DOCK1: variants seen among roughly 807,000 people sequenced by gnomAD.
DOCK1 encodes dedicator of cytokinesis 1, also known as dedicator of cytokinesis protein 1.
In DOCK1, 138 loss-of-function variants were observed where a neutral mutation model predicts 262.7. The ratio of observed to expected loss-of-function variants is 0.53; its 90% CI spans 0.46 to 0.61. The LOEUF (loss-of-function observed/expected upper bound fraction) is 0.61. Among genes scored for constraint, DOCK1 ranks in the 20% least tolerant of loss-of-function variants. The pLI is 0.00. For synonymous variants in DOCK1, 866 were observed against 867.4 expected (o/e 1.00, Z 0.03); for missense variants, 1,908 against 2,370.7 (o/e 0.80, Z 4.05).
At chr10:127,137,541 G>A in intron 27 of DOCK1, 1 of 295,472 alleles carries the variant, frequency 3.4e-6, no homozygotes, top group Non-Finnish European at 6.3e-6. Context: ...TGTATTACTT[G>A]CAGATCGGGG....
At chr10:127,403,967 C>G (rs555323111) in intron 39 of DOCK1, among the ~76,000 whole-genome samples, 1 of 152,136 alleles carries the variant, frequency 6.6e-6, no homozygotes, top group Non-Finnish European at 1.5e-5. Flanking sequence ...TCTCTTTGAA[C>G]GTATCCCACT....
chr10:127,443,981 C>G (rs2070361547), intron 49 of DOCK1, 145 bp from the exon 50 acceptor site: 2 of 1,118,106 alleles, frequency 1.8e-6, no homozygotes, highest in Non-Finnish European at 2.5e-6. Flanking sequence ...CACACCTTAG[C>G]TTGATCATTT....
intron 29 of DOCK1, among the ~76,000 whole-genome samples, chr10:127,315,088 TGGGCTAAGCCAGCTC>T (rs1036815108): frequency 2.6e-4 from 40 of 152,186 alleles, no homozygotes; most frequent in African/African-American, 9.6e-4. Context: ...CGTCATAGGG[TGGGCTAAGCCAGCTC>T]TTTCTTCCTA....
intron 29 of DOCK1, among the ~76,000 whole-genome samples, chr10:127,290,599 C>G (rs10764941): frequency 6.6e-6 from 1 of 152,102 alleles, no homozygotes; most frequent in African/African-American, 2.4e-5. Flanking sequence ...CGCCCTACCC[C>G]GTTTCTGACA....
intron 23 of DOCK1, among the ~76,000 whole-genome samples, chr10:127,062,027 C>A (rs2045568962): frequency 6.6e-6 from 1 of 150,430 alleles, no homozygotes; most frequent in Admixed American, 6.6e-5. Context: ...ACCTCTGCCT[C>A]CCGGCTTGAA....
At chr10:127,286,068 A>C (rs2061142404) in intron 29 of DOCK1, among the ~76,000 whole-genome samples, 1 of 152,098 alleles carries the variant, frequency 6.6e-6, no homozygotes, top group Admixed American at 6.5e-5. Context: ...CGATGCGTCT[A>C]CTGCAATCCC....
At chr10:127,323,862 GT>G (rs1190678422) in intron 29 of DOCK1, among the ~76,000 whole-genome samples, 2 of 152,250 alleles carry the variant, frequency 1.3e-5, no homozygotes, top group African/African-American at 4.8e-5. Flanking sequence ...CTCCTCCCCT[GT>G]GCTGCATTTG....
intron 25 of DOCK1, among the ~76,000 whole-genome samples, chr10:127,122,915 T>C (rs1269673050): frequency 6.6e-6 from 1 of 152,058 alleles, no homozygotes; most frequent in Non-Finnish European, 1.5e-5. Flanking sequence ...CTCAATTAGC[T>C]CTGAGAATAG....
At chr10:127,145,817 G>C in intron 27 of DOCK1, 1 of 331,838 alleles carries the variant, frequency 3.0e-6, no homozygotes, top group South Asian at 2.3e-5. Flanking sequence ...TCCACTAAAC[G>C]TAGCAGTGAT....
chr10:127,324,975 T>C (rs922907014), intron 29 of DOCK1, among the ~76,000 whole-genome samples: 1 of 152,126 alleles, frequency 6.6e-6, no homozygotes, highest in Non-Finnish European at 1.5e-5. Context: ...GGGTCCAGCG[T>C]TGGGCACTGT....
At chr10:127,431,915 G>T (rs2069317741) in intron 47 of DOCK1, among the ~76,000 whole-genome samples, 1 of 152,184 alleles carries the variant, frequency 6.6e-6, no homozygotes, top group Non-Finnish European at 1.5e-5. Flanking sequence ...ACAGCTGGAG[G>T]TGAGCGGCGG....
intron 32 of DOCK1, among the ~76,000 whole-genome samples, chr10:127,361,584 A>G (rs3818475): frequency 0.5 from 76,487 of 151,976 alleles, 20,854 homozygotes; most frequent in African/African-American, 0.73. Flanking sequence ...GGTGTCAGAT[A>G]GCAAACTCAT....
At chr10:127,357,908 G>T (rs1007557282) in intron 32 of DOCK1, among the ~76,000 whole-genome samples, 1 of 152,156 alleles carries the variant, frequency 6.6e-6, no homozygotes, top group Non-Finnish European at 1.5e-5. Context: ...CCAGGTGCCT[G>T]AGTGTCTTTG....
At chr10:127,361,836 G>A (rs1003936468) in intron 32 of DOCK1, among the ~76,000 whole-genome samples, 7 of 152,114 alleles carry the variant, frequency 4.6e-5, no homozygotes, top group Non-Finnish European at 8.8e-5. Flanking sequence ...CTTATACCGC[G>A]CGGATCTTTG....
chr10:127,143,345 G>A (rs955024986), intron 27 of DOCK1, among the ~76,000 whole-genome samples: 4 of 152,186 alleles, frequency 2.6e-5, no homozygotes, highest in Admixed American at 2.6e-4. Flanking sequence ...AGAGGCCTCT[G>A]CCTTTAATTC....
At chr10:127,356,154 G>C (rs2064134635) in intron 32 of DOCK1, among the ~76,000 whole-genome samples, 1 of 152,204 alleles carries the variant, frequency 6.6e-6, no homozygotes, top group African/African-American at 2.4e-5. Context: ...AGCTGTCAAA[G>C]GGCCTGCTGA....
intron 1 of DOCK1, among the ~76,000 whole-genome samples, chr10:126,915,401 T>C (rs867703355): frequency 1.4e-5 from 2 of 145,746 alleles, no homozygotes; most frequent in South Asian, 2.3e-4. Context: ...AGTGCTGCTT[T>C]CTCAATGTGT....
intron 27 of DOCK1, among the ~76,000 whole-genome samples, chr10:127,218,556 C>T (rs2058305490): frequency 6.6e-6 from 1 of 152,196 alleles, no homozygotes; most frequent in African/African-American, 2.4e-5. Context: ...AAAATGTTCC[C>T]TTGGAATGAC....
chr10:126,949,288 G>T (rs2035959918), intron 1 of DOCK1, among the ~76,000 whole-genome samples: 1 of 152,148 alleles, frequency 6.6e-6, no homozygotes, highest in Admixed American at 6.6e-5. Flanking sequence ...CCGCAGGACA[G>T]CCCCTAAGCT....
Sources: allele counts gnomAD v4.1 joint callset (sites outside exome capture counted in the v4.1 genomes callset), GRCh38; gene constraint gnomAD v4.1.1; transcripts MANE v1.5; gene names NCBI Gene and HGNC (gene_info 2026-07-23, HGNC 2026-07-21).